The following PRELID2 variants were observed in gnomAD, a reference collection of about 807,000 sequenced individuals.
PRELID2 encodes PRELI domain containing 2.
Under a neutral mutation model 28.4 loss-of-function variants are expected in PRELID2, and 25 were observed. The ratio of observed to expected loss-of-function variants is 0.88; its 90% CI spans 0.64 to 1.23. PRELID2 has a LOEUF of 1.23. PRELID2 is among the 50% of genes most tolerant of loss of function. PRELID2 has a pLI of 0.00. For missense variants in PRELID2, 201 were observed against 214.4 expected (o/e 0.94, Z 0.39); for synonymous variants, 76 against 71.6 (o/e 1.06, Z -0.31).
the PRELID2 span, among the ~76,000 whole-genome samples, chr5:145,412,692 C>A: frequency 1.3e-5 from 2 of 152,198 alleles, no homozygotes; most frequent in African/African-American, 4.8e-5. Flanking sequence ...GTCTTTATAG[C>A]AGCTCCCCAC....
At chr5:145,519,898 A>G (rs1752549449) in intron 1 of PRELID2, among the ~76,000 whole-genome samples, 1 of 152,204 alleles carries the variant, frequency 6.6e-6, no homozygotes, top group Non-Finnish European at 1.5e-5. Context: ...AACATCTCAA[A>G]TGGTATTATT....
At chr5:145,234,387 A>T in the PRELID2 span, among the ~76,000 whole-genome samples, 3 of 152,172 alleles carry the variant, frequency 2.0e-5, no homozygotes, top group African/African-American at 7.2e-5. Flanking sequence ...CAACTTGCTT[A>T]AAAAGTCCTT....
intron 1 of PRELID2, chr5:145,704,022 G>A (rs887217523): frequency 1.3e-5 from 2 of 152,210 alleles, no homozygotes; most frequent in African/African-American, 4.8e-5. Flanking sequence ...TGTGGTTAAA[G>A]TTCTCCCTGA....
chr5:145,702,062 A>ATAT lies in PRELID2; in HGVS notation n.70+62868_70+62869insATA, dbSNP rs1042805612. Among the ~76,000 whole-genome samples the ATAT allele has an allele frequency of 1.3e-4, 20 of 151,760 alleles. No individual in the cohort carries two copies. In the East Asian group the frequency reaches 3.7e-3, roughly 28 times the overall value. The stretch of plus-strand genomic sequence containing the variant: ...AAAACTCTGTCTCAGGAAAAAAAAA[A>ATAT]ATATATATATACACACACACACATA... On this transcript the variant is annotated intron_variant and non_coding_transcript_variant, in intron 1 of 2. Transcript: ENST00000510259.
chr5:145,551,705 A>C (rs1293114405), intron 1 of PRELID2, among the ~76,000 whole-genome samples: 1 of 152,194 alleles, frequency 6.6e-6, no homozygotes, highest in African/African-American at 2.4e-5. Flanking sequence ...CAGATGGCAT[A>C]CTCCAACTGA....
the PRELID2 span, among the ~76,000 whole-genome samples, chr5:145,323,665 C>A: frequency 2.8e-4 from 42 of 152,186 alleles, 1 homozygote; most frequent in East Asian, 4.6e-3. Context: ...TCTTTGTGTC[C>A]ATGTGCACTC....
chr5:145,823,201 C>T (rs1321235851), intron 1 of PRELID2, 67 bp from the exon 2 acceptor site: 2 of 787,568 alleles, frequency 2.5e-6, no homozygotes, highest in Non-Finnish European at 4.4e-6. Context: ...TTAGAAGTAA[C>T]CACAGCTGTC....
chr5:145,247,356 T>G, the PRELID2 span, among the ~76,000 whole-genome samples: 1 of 129,228 alleles, frequency 7.7e-6, no homozygotes, highest in African/African-American at 4.0e-5. Context: ...TGAATTACTC[T>G]TTTCCATGAC....
the PRELID2 span, among the ~76,000 whole-genome samples, chr5:145,392,340 G>T: frequency 8.7e-3 from 1,328 of 152,208 alleles, 20 homozygotes; most frequent in African/African-American, 0.03. Context: ...AAGGAGGGAA[G>T]CCAGTTATAA....
intron 1 of PRELID2, among the ~76,000 whole-genome samples, chr5:145,636,772 T>C (rs1383311582): frequency 6.6e-6 from 1 of 152,172 alleles, no homozygotes; most frequent in African/African-American, 2.4e-5. Context: ...TTTGGGGGCA[T>C]AGGTTCCAAA....
intron 1 of PRELID2, among the ~76,000 whole-genome samples, chr5:145,493,099 A>C (rs1391419113): frequency 7.1e-6 from 1 of 139,940 alleles, no homozygotes; most frequent in Non-Finnish European, 1.6e-5. Context: ...TGTGCCTTTT[A>C]TTGGGCTACA....
At chr5:145,749,340 T>C (rs1434422683) in intron 1 of PRELID2, among the ~76,000 whole-genome samples, 1 of 152,164 alleles carries the variant, frequency 6.6e-6, no homozygotes, top group African/African-American at 2.4e-5. Context: ...AAGACATTTA[T>C]GCAGCCAACA....
chr5:145,772,246 A>C (rs991029195), intron 5 of PRELID2, among the ~76,000 whole-genome samples: 49 of 152,044 alleles, frequency 3.2e-4, no homozygotes, highest in Non-Finnish European at 7.4e-5. Context: ...CAACCTGTTC[A>C]AAATCACACA....
intron 1 of PRELID2, among the ~76,000 whole-genome samples, chr5:145,731,787 C>G (rs1756354114): frequency 6.6e-6 from 1 of 152,156 alleles, no homozygotes; most frequent in Non-Finnish European, 1.5e-5. Context: ...CAGCAGGGAC[C>G]AGAATAGAGG....
At chr5:145,674,305 C>T (rs1754770218) in intron 1 of PRELID2, among the ~76,000 whole-genome samples, 1 of 142,670 alleles carries the variant, frequency 7.0e-6, no homozygotes, top group African/African-American at 2.5e-5. Context: ...TGTTATCCCT[C>T]CCCCCTCCCT....
At chr5:145,828,482 G>C (rs1755353224) in intron 1 of PRELID2, among the ~76,000 whole-genome samples, 1 of 152,056 alleles carries the variant, frequency 6.6e-6, no homozygotes, top group Admixed American at 6.6e-5. Context: ...GATTTTCCTA[G>C]ACTAATAAAA....
At chr5:145,490,041 AC>A (rs1752255328) in intron 1 of PRELID2, among the ~76,000 whole-genome samples, 1 of 152,176 alleles carries the variant, frequency 6.6e-6, no homozygotes, top group African/African-American at 2.4e-5. Flanking sequence ...GTGCTATCTT[AC>A]CCCAATTTCT....
intron 1 of PRELID2, among the ~76,000 whole-genome samples, chr5:145,534,972 CTTAT>C (rs1752686899): frequency 6.6e-6 from 1 of 151,848 alleles, no homozygotes; most frequent in Non-Finnish European, 1.5e-5. Flanking sequence ...CTTCTAAGAT[CTTAT>C]TTGTCTGACA....
At chr5:145,643,944 T>A (rs1007990225) in intron 1 of PRELID2, among the ~76,000 whole-genome samples, 5 of 152,250 alleles carry the variant, frequency 3.3e-5, no homozygotes, top group African/African-American at 1.2e-4. Context: ...TTTGCATCTA[T>A]ATTCATCAGT....
Sources: gnomAD v4.1 joint callset for allele counts (sites outside exome capture counted in the v4.1 genomes callset) on GRCh38, gnomAD v4.1.1 for gene constraint, MANE v1.5 for transcripts, NCBI Gene and HGNC (gene_info 2026-07-23, HGNC 2026-07-21) for gene names.